DDHD1: variants seen among roughly 807,000 people sequenced by gnomAD.
DDHD1 encodes phospholipase DDHD1.
A neutral mutation model predicts 96.4 loss-of-function variants in DDHD1; 49 were observed. The observed-to-expected ratio is 0.51, with a 90% CI of 0.40 to 0.64. DDHD1 has a LOEUF of 0.64. Among genes scored for constraint, DDHD1 ranks in the 30% least tolerant of loss-of-function variants. The pLI, the probability that DDHD1 is intolerant of heterozygous loss-of-function variation, is 0.00. For missense variants in DDHD1, 1,106 were observed against 1,161.2 expected (o/e 0.95, Z 0.69); for synonymous variants, 442 against 446.5 (o/e 0.99, Z 0.13).
rs1882007374 is a variant in DDHD1 at position 53,046,366 on chromosome 14, G to A, written c.*402C>T. 6.5e-6 allele frequency: 1 copy of A among 153,024 alleles called. No individual in the cohort carries two copies. The highest frequency in any genetic ancestry group is 2.4e-5 in the African/African-American group (1 of 41,484). 9.5% of individuals were successfully genotyped at this position (153,024 alleles called of 1,614,324 possible). Reference sequence around the variant, plus strand: ...TAGAAATCTAAAACGATACCACCTTGTGATCTTCATATAGAATATGCTGAA... The same window carrying A: ...TAGAAATCTAAAACGATACCACCTTATGATCTTCATATAGAATATGCTGAA... On this transcript the variant is annotated 3_prime_UTR_variant, in exon 13 of 13. Transcript: ENST00000673822.
At chr14:53,087,004 G>C (rs1196770169) in intron 4 of DDHD1, among the ~76,000 whole-genome samples, 1 of 139,856 alleles carries the variant, frequency 7.2e-6, no homozygotes, top group Non-Finnish European at 1.5e-5. Flanking sequence ...AGCAGGGATT[G>C]CAATCCTAGT....
chr14:53,063,253 CT>C (rs1883752385), intron 6 of DDHD1, 48 bp from the exon 7 acceptor site: 2 of 1,566,190 alleles, frequency 1.3e-6, no homozygotes, highest in Non-Finnish European at 1.7e-6. Flanking sequence ...TCACTGACTA[CT>C]ATACACTTAT....
At chr14:53,100,464 T>C (rs893663779) in intron 2 of DDHD1, among the ~76,000 whole-genome samples, 4 of 152,120 alleles carry the variant, frequency 2.6e-5, no homozygotes, top group Non-Finnish European at 4.4e-5. Flanking sequence ...AAAGACCCTG[T>C]CTCCAAAAAG....
At chr14:53,127,540 C>G (rs1325028437) in intron 1 of DDHD1, among the ~76,000 whole-genome samples, 1 of 152,180 alleles carries the variant, frequency 6.6e-6, no homozygotes, top group African/African-American at 2.4e-5. Flanking sequence ...GTTTCTAAAT[C>G]CACATGCAGT....
rs549858079 is a variant in DDHD1 at position 53,144,492 on chromosome 14, C to T, written c.838+7769G>A. ...TTTCCTCAGTTTGGATGCTCAACAA[C>T]GTCTTTGGTTTGAAGTAGATTCTCT... On this transcript the variant is annotated intron_variant, in intron 1 of 12. Transcript: ENST00000673822. Among the ~76,000 whole-genome samples, 23 of 152,312 alleles carry T rather than the reference C, an allele frequency of 1.5e-4. 1 individual carries two copies. In the South Asian group the frequency reaches 4.3e-3, roughly 29 times the overall value.
In DDHD1 at chr14:53,063,123, C is replaced by T. The variant is rs1360254413; in HGVS notation, c.1586G>A (p.Gly529Asp). The change falls in exon 7 of 13, where the codon GGT becomes GAT. Residue 529 changes from glycine (G) to aspartate (D), a missense_variant. By Grantham distance (94) the Gly-to-Asp change is moderately conservative. Coordinates refer to ENST00000673822, the MANE Select transcript of DDHD1 (RefSeq NM_001160148.2). ...GGAATGTGATACTATTGAGACTTTA[C>T]CCCCTTTTTCTTCAAAGTCTGGATT... ...SRNPDFEEKG[G>D]KVSIVSHSLG... 1.2e-6 allele frequency: 2 copies of T among 1,613,906 alleles called. No homozygotes were observed. Among genetic ancestry groups the T allele is most frequent in the South Asian group, 1.1e-5 (1 of 91,078 alleles).
intron 1 of DDHD1, among the ~76,000 whole-genome samples, chr14:53,125,207 A>G (rs1889334480): frequency 6.6e-6 from 1 of 152,220 alleles, no homozygotes; most frequent in African/African-American, 2.4e-5. Flanking sequence ...TCATGGAGGT[A>G]GCTTTTATAT....
In DDHD1 at chr14:53,148,276, T is replaced by G. The variant is rs148299417; in HGVS notation, c.838+3985A>C. Among the ~76,000 whole-genome samples the G allele has an allele frequency of 2.9e-3, 444 of 152,268 alleles. 1 individual carries two copies. The highest frequency in any genetic ancestry group is 9.6e-3 in the African/African-American group (400 of 41,556). On this transcript the variant is annotated intron_variant, in intron 1 of 12. Transcript: ENST00000673822. ...GAATAGAAATCACACAACTCCCTAGTGCAAACTGCACACATCACTGCCATT... is the reference window on the plus strand; with the variant it reads ...GAATAGAAATCACACAACTCCCTAGGGCAAACTGCACACATCACTGCCATT...
rs1413503010 is a variant in DDHD1, at chr14:53,040,131, GAGT to G, written c.*6634_*6636del. 1 of 152,210 alleles carries G rather than the reference GAGT, an allele frequency of 6.6e-6. No homozygotes were observed. The highest frequency in any genetic ancestry group is 1.9e-4 in the East Asian group (1 of 5,194). 9.4% of individuals were successfully genotyped at this position (152,210 alleles called of 1,614,324 possible). ...GGGAAGGTGAGTGGAAAGGTAGTAG[GAGT>G]AGGTTTCTATCTGGCACGGGTTCTT... On this transcript the variant is annotated 3_prime_UTR_variant, in exon 13 of 13. Transcript: ENST00000673822.
chr14:53,139,767 C>G (rs547745938), intron 1 of DDHD1, among the ~76,000 whole-genome samples: 103 of 148,864 alleles, frequency 6.9e-4, no homozygotes, highest in Non-Finnish European at 2.7e-4. Context: ...CTGCCCACCA[C>G]AAGATGTCCA....
At chr14:53,130,925 T>A (rs1160358478) in intron 1 of DDHD1, among the ~76,000 whole-genome samples, 1 of 152,166 alleles carries the variant, frequency 6.6e-6, no homozygotes, top group African/African-American at 2.4e-5. Context: ...TTTGGGTAAC[T>A]CTTACAGTGG....
chr14:53,107,823 C>T (rs956866433), intron 1 of DDHD1, among the ~76,000 whole-genome samples: 5 of 152,146 alleles, frequency 3.3e-5, no homozygotes, highest in Non-Finnish European at 5.9e-5. Context: ...TGACTGCATC[C>T]ACCTTTAAAC....
chr14:53,072,574 A>G, intron 6 of DDHD1, 23 bp downstream of exon 6: 1 of 1,384,502 alleles, frequency 7.2e-7, no homozygotes, highest in South Asian at 1.6e-5. Flanking sequence ...AATACCCACC[A>G]GCAAGATAAT....
chr14:53,077,281 A>T (rs112583307), intron 4 of DDHD1, among the ~76,000 whole-genome samples: 2 of 152,168 alleles, frequency 1.3e-5, no homozygotes, highest in African/African-American at 4.8e-5. Flanking sequence ...GTTTAAATCC[A>T]TTAGTTTATC....
At chr14:53,103,024 T>C (rs779643430) in intron 2 of DDHD1, 13 of 1,566,800 alleles carry the variant, frequency 8.3e-6, no homozygotes, top group East Asian at 2.3e-5. Context: ...TGTACAGTTA[T>C]ACTCACCAGA....
Position 53,093,406 on chromosome 14 carries a change from A to G in DDHD1, c.1051T>C (p.Trp351Arg). 1 of 1,612,500 alleles carries G rather than the reference A, an allele frequency of 6.2e-7. No homozygotes were observed. The highest frequency in any genetic ancestry group is 8.5e-7 in the Non-Finnish European group (1 of 1,179,510). ...SFKLSRNHVD[W>R]HSVDEVYLYS... ...AGATATACTTCATCCACACTGTGCC[A>G]GTCCACATGGTTTCGACTCAACTTG... Residue 351 changes from tryptophan to arginine, a missense_variant, in exon 3 of 13, where the codon TGG becomes CGG. Trp to Arg is a moderately radical substitution (Grantham distance 101, BLOSUM62 -3). Transcript: ENST00000673822.
intron 1 of DDHD1, among the ~76,000 whole-genome samples, chr14:53,130,692 T>C (rs973400581): frequency 3.9e-5 from 6 of 152,218 alleles, no homozygotes; most frequent in Admixed American, 3.9e-4. Context: ...ATGTGGCCAC[T>C]GGGCCAAGGA....
In DDHD1 at chr14:53,132,576, C is replaced by T. The variant is rs971654801; in HGVS notation, c.838+19685G>A. 4.0e-4 allele frequency among the ~76,000 whole-genome samples: 61 copies of T among 152,202 alleles called. 1 individual carries two copies. Among genetic ancestry groups the T allele is most frequent in the African/African-American group, 1.2e-3 (49 of 41,446 alleles). ...CACTGTCTTAACTCAGGCCCTCACT[C>T]TTGCAAAAGAACTGTGCGTCAATAT... On this transcript the variant is annotated intron_variant, in intron 1 of 12. Coordinates refer to ENST00000673822, the MANE Select transcript of DDHD1 (RefSeq NM_001160148.2).
chr14:53,115,185 T>A (rs1339635752), intron 1 of DDHD1, among the ~76,000 whole-genome samples: 5 of 151,926 alleles, frequency 3.3e-5, no homozygotes, highest in Non-Finnish European at 7.4e-5. Context: ...AAAAAAAGAA[T>A]GAAAAGGAAT....
Sources: allele counts gnomAD v4.1 joint callset (sites outside exome capture counted in the v4.1 genomes callset), GRCh38; gene constraint gnomAD v4.1.1; transcripts MANE v1.5; gene names NCBI Gene and HGNC (gene_info 2026-07-23, HGNC 2026-07-21).